CTNNA3: variants seen among roughly 807,000 people sequenced by gnomAD.
The protein encoded by CTNNA3 is catenin alpha-3.
CTNNA3 carries 76 observed loss-of-function variants against 95.7 expected under a neutral mutation model. That is an observed-to-expected ratio of 0.79 (90% confidence interval 0.66 to 0.96). The LOEUF (loss-of-function observed/expected upper bound fraction) is 0.96, where lower values mean the gene tolerates loss of function less well. Ranked by LOEUF, CTNNA3 falls within the 40% of genes least tolerant of loss-of-function variation. The pLI, the probability that CTNNA3 is intolerant of heterozygous loss-of-function variation, is 0.00. For synonymous variants in CTNNA3, 431 were observed against 374.4 expected (o/e 1.15, Z -1.74); for missense variants, 1,191 against 1,089.8 (o/e 1.09, Z -1.31).
At chr10:66,821,641 A>G (rs945570656) in intron 7 of CTNNA3, among the ~76,000 whole-genome samples, 3 of 152,184 alleles carry the variant, frequency 2.0e-5, no homozygotes, top group African/African-American at 7.2e-5. Flanking sequence ...AATGATTCCT[A>G]AATGTTTAGC....
intron 5 of CTNNA3, among the ~76,000 whole-genome samples, chr10:67,445,245 G>A (rs1244647025): frequency 6.7e-6 from 1 of 149,012 alleles, no homozygotes; most frequent in Non-Finnish European, 1.5e-5. Context: ...TAACACCAAA[G>A]AAAAGCAACT....
At chr10:66,732,508 A>G (rs2132669522) in intron 9 of CTNNA3, among the ~76,000 whole-genome samples, 1 of 152,278 alleles carries the variant, frequency 6.6e-6, no homozygotes, top group East Asian at 1.9e-4. Flanking sequence ...GAGGAGGCCT[A>G]GAAAACTTAC....
In CTNNA3 at chr10:67,574,190, C is replaced by A. The variant is rs549056245; in HGVS notation, c.292+32667G>T. Among the ~76,000 whole-genome samples, 4 of 152,316 alleles carry A rather than the reference C, an allele frequency of 2.6e-5. No individual in the cohort carries two copies. The South Asian group carries it at 8.3e-4, about 32-fold the overall frequency. ...AAAACCTCCTTTGCTTCCAGTCCCA[C>A]AATCTGGAGGAAGCAGGTTTGATTT... is the stretch of plus-strand genomic sequence containing the variant. On this transcript the variant is annotated intron_variant, in intron 3 of 17. Transcript: ENST00000433211.
chr10:66,967,080 G>T (rs1303003475), intron 7 of CTNNA3, among the ~76,000 whole-genome samples: 1 of 151,982 alleles, frequency 6.6e-6, no homozygotes, highest in African/African-American at 2.4e-5. Flanking sequence ...ATAAGCAGGT[G>T]ATTATTAACA....
chr10:67,229,898 A>C (rs1226845915), intron 5 of CTNNA3, among the ~76,000 whole-genome samples: 1 of 152,216 alleles, frequency 6.6e-6, no homozygotes, highest in Non-Finnish European at 1.5e-5. Flanking sequence ...CATGCTGCCA[A>C]AAGCAATCTA....
chr10:67,224,609 G>A (rs2132278368), intron 5 of CTNNA3, among the ~76,000 whole-genome samples: 1 of 152,284 alleles, frequency 6.6e-6, no homozygotes, highest in Middle Eastern at 3.4e-3. Flanking sequence ...TGGGGCAAAT[G>A]AAGGTCTGTT....
chr10:66,675,776 G>A (rs1439408770), intron 9 of CTNNA3, among the ~76,000 whole-genome samples: 2 of 151,936 alleles, frequency 1.3e-5, no homozygotes, highest in Admixed American at 1.3e-4. Context: ...TGACTGTTTG[G>A]GTTACTATTT....
intron 12 of CTNNA3, among the ~76,000 whole-genome samples, chr10:66,313,425 T>G (rs543587314): frequency 6.6e-6 from 1 of 152,306 alleles, no homozygotes; most frequent in South Asian, 2.1e-4. Flanking sequence ...TAGGCTGCAA[T>G]TGCATTAACT....
intron 12 of CTNNA3, among the ~76,000 whole-genome samples, chr10:66,319,522 C>T (rs902367478): frequency 6.6e-6 from 1 of 152,042 alleles, no homozygotes; most frequent in Non-Finnish European, 1.5e-5. Flanking sequence ...AACTTGTTTG[C>T]AACACTTTGC....
chr10:67,019,226 T>G (rs1193502912), intron 7 of CTNNA3, among the ~76,000 whole-genome samples: 2 of 152,190 alleles, frequency 1.3e-5, no homozygotes, highest in Non-Finnish European at 1.5e-5. Flanking sequence ...ATTTTATTAT[T>G]ATTTTGTTTT....
intron 17 of CTNNA3, among the ~76,000 whole-genome samples, chr10:65,926,016 T>A (rs1004849970): frequency 3.3e-5 from 5 of 150,128 alleles, no homozygotes; most frequent in African/African-American, 9.7e-5. Flanking sequence ...TATATATTAA[T>A]ATGTAATGTA....
At chr10:66,699,990 GGTTTTTTTTTGTTTT>G (rs1163842138) in intron 9 of CTNNA3, among the ~76,000 whole-genome samples, 2 of 151,640 alleles carry the variant, frequency 1.3e-5, no homozygotes, top group African/African-American at 4.8e-5. Context: ...CAAGTTACTT[GGTTTTTTTTTGTTTT>G]GTTTTTTGCT....
At chr10:66,233,845 A>T (rs925669420) in intron 13 of CTNNA3, among the ~76,000 whole-genome samples, 1 of 152,226 alleles carries the variant, frequency 6.6e-6, no homozygotes, top group African/African-American at 2.4e-5. Flanking sequence ...GTGTTAAAGC[A>T]CATGTATAAG....
At chr10:66,421,897 G>GATGTGT in intron 11 of CTNNA3, among the ~76,000 whole-genome samples, 1 of 108,148 alleles carries the variant, frequency 9.2e-6, no homozygotes, top group Non-Finnish European at 1.9e-5. Context: ...TAATAAATGT[G>GATGTGT]ATATATATAT....
rs115767807 is a variant in CTNNA3 at position 67,177,309 on chromosome 10, G to A, written c.1047+3008C>T. Among the ~76,000 whole-genome samples the A allele has an allele frequency of 5.1e-3, 779 of 152,226 alleles. 6 individuals are homozygous for A. The highest frequency in any genetic ancestry group is 0.018 in the African/African-American group (729 of 41,552). ...GAACTGAATTTATTTAGACTCAGAG[G>A]AGTCATATGGTTGTGTGGACTGAGC... is the stretch of plus-strand genomic sequence containing the variant. On this transcript the variant is annotated intron_variant, in intron 7 of 17. Transcript: ENST00000433211.
chr10:66,348,653 T>C lies in CTNNA3; in HGVS notation c.1732+30499A>G, dbSNP rs535358479. ...TTAAATTCATATACAAAAAGAGACA[T>C]ACATTTTAATAAGGAAAAGAAGCTA... On this transcript the variant is annotated intron_variant, in intron 12 of 17. Coordinates refer to ENST00000433211, the MANE Select transcript of CTNNA3 (RefSeq NM_013266.4). Among the ~76,000 whole-genome samples, 196 of 152,216 alleles carry C rather than the reference T, an allele frequency of 1.3e-3. 1 individual carries two copies. Among genetic ancestry groups the C allele is most frequent in the African/African-American group, 4.5e-3 (187 of 41,556 alleles).
intron 12 of CTNNA3, among the ~76,000 whole-genome samples, chr10:66,329,795 C>T (rs2092302723): frequency 6.6e-6 from 1 of 151,832 alleles, no homozygotes; most frequent in South Asian, 2.1e-4. Flanking sequence ...TTCAAAGAAA[C>T]TTTATTTACT....
chr10:66,299,797 AG>A (rs761205012), intron 12 of CTNNA3, among the ~76,000 whole-genome samples: 10 of 152,210 alleles, frequency 6.6e-5, no homozygotes, highest in Non-Finnish European at 1.5e-4. Flanking sequence ...GCTTACTAAA[AG>A]GCCCACAGTA....
intron 13 of CTNNA3, among the ~76,000 whole-genome samples, chr10:66,112,980 A>G (rs960720318): frequency 2.4e-4 from 36 of 152,300 alleles, no homozygotes; most frequent in African/African-American, 8.2e-4. Flanking sequence ...TCTTTGGGAC[A>G]TATAACCAGA....
Sources: gnomAD v4.1 joint callset for allele counts (sites outside exome capture counted in the v4.1 genomes callset) on GRCh38, gnomAD v4.1.1 for gene constraint, MANE v1.5 for transcripts, NCBI Gene and HGNC (gene_info 2026-07-23, HGNC 2026-07-21) for gene names.